The following NSUN3 variants were observed in gnomAD, a reference collection of about 807,000 sequenced individuals.
NSUN3 encodes the protein tRNA (cytosine(34)-C(5))-methyltransferase, mitochondrial.
A neutral mutation model predicts 36.8 loss-of-function variants in NSUN3; 24 were observed. The ratio of observed to expected loss-of-function variants is 0.65; its 90% CI spans 0.47 to 0.92. The LOEUF is 0.92. NSUN3 is among the 40% of genes least tolerant of loss of function. The pLI is 0.00. For synonymous variants in NSUN3, 146 were observed against 145.2 expected (o/e 1.01, Z -0.04); for missense variants, 381 against 392.8 (o/e 0.97, Z 0.25).
chr3:94,077,988 A>G, intron 2 of NSUN3, among the ~76,000 whole-genome samples: 1 of 151,766 alleles, frequency 6.6e-6, no homozygotes, highest in East Asian at 1.9e-4. Context: ...CTAGCTTTTG[A>G]ATTTGTTTGC....
At chr3:94,087,521 T>A (rs2077296841) in intron 3 of NSUN3, among the ~76,000 whole-genome samples, 2 of 152,208 alleles carry the variant, frequency 1.3e-5, no homozygotes, top group African/African-American at 2.4e-5. Flanking sequence ...TGTCCTGGTC[T>A]TGGCAGAAAA....
chr3:94,118,056 A>G (rs1378458897), intron 5 of NSUN3, among the ~76,000 whole-genome samples: 1 of 152,200 alleles, frequency 6.6e-6, no homozygotes, highest in African/African-American at 2.4e-5. Context: ...GTAGTTAACA[A>G]TAATTTATTG....
chr3:94,113,298 T>C (rs1465901338), intron 5 of NSUN3, among the ~76,000 whole-genome samples: 1 of 152,216 alleles, frequency 6.6e-6, no homozygotes. Context: ...TAGAACTATA[T>C]TGCCTGGATT....
At chr3:94,079,643 C>A (rs975548725) in intron 2 of NSUN3, among the ~76,000 whole-genome samples, 1 of 151,990 alleles carries the variant, frequency 6.6e-6, no homozygotes, top group Non-Finnish European at 1.5e-5. Flanking sequence ...TCTTTTTTCT[C>A]TAAACTTGTC....
In NSUN3 at chr3:94,126,710, G is replaced by A; in HGVS notation, c.*220G>A. 1 of 466,840 alleles carries A rather than the reference G, an allele frequency of 2.1e-6. No individual in the cohort carries two copies. Among genetic ancestry groups the A allele is most frequent in the Non-Finnish European group, 3.8e-6 (1 of 264,022 alleles). The allele number at this position is 466,840 out of a possible 1,614,324, so 28.9% of individuals were successfully genotyped here. On this transcript the variant is annotated 3_prime_UTR_variant, in exon 6 of 6. Coordinates refer to ENST00000314622, the MANE Select transcript of NSUN3 (RefSeq NM_022072.5). Reference sequence around the variant, plus strand: ...AATGATTTAAGGTGGTGCAGATGGTGTTTGTTCTATATTATAAATCTGCTG... The same window carrying A: ...AATGATTTAAGGTGGTGCAGATGGTATTTGTTCTATATTATAAATCTGCTG...
rs894282031 is a variant in NSUN3, at chr3:94,130,796, C to T, written c.*4306C>T. Among the ~76,000 whole-genome samples, 11 of 152,308 alleles carry T rather than the reference C, an allele frequency of 7.2e-5. No individual in the cohort carries two copies. The highest frequency in any genetic ancestry group is 2.4e-4 in the African/African-American group (10 of 41,584). On this transcript the variant is annotated 3_prime_UTR_variant, in exon 6 of 6. Coordinates refer to ENST00000314622, the MANE Select transcript of NSUN3 (RefSeq NM_022072.5). ...TCCAAATCCATTTCTCCAGAAACCT[C>T]TTCCTAGCCACACAGTGGGAGCCTT... is the stretch of plus-strand genomic sequence containing the variant.
chr3:94,064,731 G>A (rs145348363), intron 2 of NSUN3, among the ~76,000 whole-genome samples, 185 bp downstream of exon 2: 7 of 152,232 alleles, frequency 4.6e-5, no homozygotes, highest in Admixed American at 1.3e-4. Flanking sequence ...GTTGGAAAGG[G>A]GAAATAAAAC....
chr3:94,098,123 C>A (rs1047809946), intron 5 of NSUN3, among the ~76,000 whole-genome samples: 6 of 152,138 alleles, frequency 3.9e-5, no homozygotes, highest in Admixed American at 3.9e-4. Flanking sequence ...CCTCTCTTCT[C>A]GATTTTAGTA....
chr3:94,078,836 C>G (rs113818351), intron 2 of NSUN3, among the ~76,000 whole-genome samples: 1 of 152,066 alleles, frequency 6.6e-6, no homozygotes, highest in African/African-American at 2.4e-5. Context: ...TCTCTGCATG[C>G]GAGATGGGTC....
intron 2 of NSUN3, among the ~76,000 whole-genome samples, chr3:94,071,249 C>G (rs546328919): frequency 6.6e-6 from 1 of 152,200 alleles, no homozygotes; most frequent in Admixed American, 6.5e-5. Flanking sequence ...CATTTTAACA[C>G]TTAGAGATTT....
chr3:94,076,345 G>A, intron 2 of NSUN3: 2 of 829,996 alleles, frequency 2.4e-6, no homozygotes, highest in Non-Finnish European at 4.3e-6. Context: ...GGATTGAAAG[G>A]CAGTTCACTT....
intron 2 of NSUN3, among the ~76,000 whole-genome samples, chr3:94,078,989 T>A (rs1400464797): frequency 6.6e-6 from 1 of 152,188 alleles, no homozygotes; most frequent in East Asian, 1.9e-4. Context: ...GCTGTTTATT[T>A]TGTCCGTTAG....
chr3:94,076,217 A>C, intron 2 of NSUN3: 1 of 916,932 alleles, frequency 1.1e-6, no homozygotes, highest in Non-Finnish European at 1.8e-6. Flanking sequence ...TGACTACTGA[A>C]CCTGGAATAT....
At chr3:94,097,824 A>G (rs1026309953) in intron 5 of NSUN3, among the ~76,000 whole-genome samples, 4 of 152,050 alleles carry the variant, frequency 2.6e-5, no homozygotes, top group East Asian at 3.9e-4. Context: ...TCATCCCACA[A>G]ATTTTGGGTT....
intron 5 of NSUN3, among the ~76,000 whole-genome samples, chr3:94,097,361 G>T (rs1472799885): frequency 6.6e-6 from 1 of 151,386 alleles, no homozygotes; most frequent in East Asian, 1.9e-4. Flanking sequence ...CTGTTACATG[G>T]TCTTTTTTTT....
chr3:94,091,870 G>A (rs1484250526), intron 3 of NSUN3, among the ~76,000 whole-genome samples: 2 of 152,166 alleles, frequency 1.3e-5, no homozygotes, highest in Non-Finnish European at 2.9e-5. Context: ...GATATGTTTG[G>A]CTTCATCTTT....
At chr3:94,083,517 G>T (rs2077279645) in intron 2 of NSUN3, among the ~76,000 whole-genome samples, 1 of 152,174 alleles carries the variant, frequency 6.6e-6, no homozygotes, top group African/African-American at 2.4e-5. Flanking sequence ...GGAGGCTGAA[G>T]TGAAGTTACA....
chr3:94,090,668 A>G (rs553445807), intron 3 of NSUN3, among the ~76,000 whole-genome samples: 1 of 152,332 alleles, frequency 6.6e-6, no homozygotes, highest in South Asian at 2.1e-4. Flanking sequence ...AATGTAGGAT[A>G]TAATATTAAA....
At chr3:94,081,259 A>G (rs765449083) in intron 2 of NSUN3, among the ~76,000 whole-genome samples, 15 of 152,126 alleles carry the variant, frequency 9.9e-5, no homozygotes, top group African/African-American at 3.1e-4. Context: ...ACCAGTCCCA[A>G]TGAGATGAAC....
Sources: allele counts gnomAD v4.1 joint callset (sites outside exome capture counted in the v4.1 genomes callset), GRCh38; gene constraint gnomAD v4.1.1; transcripts MANE v1.5; gene names NCBI Gene and HGNC (gene_info 2026-07-23, HGNC 2026-07-21).